The following GPR158 variants were observed in gnomAD, a reference collection of about 807,000 sequenced individuals.
GPR158 encodes G protein-coupled receptor 158, also known as metabotropic glycine receptor.
Under a neutral mutation model 78.2 loss-of-function variants are expected in GPR158, and 30 were observed. That is an observed-to-expected ratio of 0.38 (90% CI 0.29 to 0.52). The LOEUF is 0.52. Ranked by LOEUF, GPR158 falls within the 20% of genes least tolerant of loss-of-function variation. The pLI is 0.83. For synonymous variants in GPR158, 581 were observed against 591.1 expected, an observed-to-expected ratio of 0.98 and a Z score of 0.25; for missense variants, 1,463 against 1,523.5, an observed-to-expected ratio of 0.96 and a Z score of 0.66.
intron 2 of GPR158, among the ~76,000 whole-genome samples, chr10:25,229,742 G>A (rs1853423459): frequency 6.6e-6 from 1 of 152,196 alleles, no homozygotes; most frequent in African/African-American, 2.4e-5. Context: ...ACATGAGGAT[G>A]TATGGGGTAT....
intron 2 of GPR158, among the ~76,000 whole-genome samples, chr10:25,310,019 GT>G (rs1297542756): frequency 6.6e-6 from 1 of 152,108 alleles, no homozygotes; most frequent in Admixed American, 6.6e-5. Context: ...ATTGCCCTCT[GT>G]TTTATAGTTT....
intron 5 of GPR158, among the ~76,000 whole-genome samples, chr10:25,514,563 T>C (rs1418429734): frequency 6.6e-6 from 1 of 152,204 alleles, no homozygotes; most frequent in Admixed American, 6.5e-5. Context: ...CTCATGCTGT[T>C]TGTTGCCCGA....
chr10:25,314,165 A>G (rs1854810575), intron 2 of GPR158, among the ~76,000 whole-genome samples: 1 of 152,158 alleles, frequency 6.6e-6, no homozygotes, highest in African/African-American at 2.4e-5. Context: ...CAGTGGCACA[A>G]TCTCGGCTCA....
At chr10:25,186,468 A>G (rs547644405) in intron 1 of GPR158, among the ~76,000 whole-genome samples, 2 of 152,342 alleles carry the variant, frequency 1.3e-5, no homozygotes, top group East Asian at 3.9e-4. Flanking sequence ...AAATTGATAG[A>G]CCACTAGCAA....
chr10:25,516,598 G>A (rs1284342799), intron 5 of GPR158, among the ~76,000 whole-genome samples: 1 of 125,664 alleles, frequency 8.0e-6, no homozygotes, highest in Non-Finnish European at 1.6e-5. Context: ...TGGCTAGCCA[G>A]TTTTCCCAGC....
At chr10:25,178,599 A>C (rs1037461417) in intron 1 of GPR158, among the ~76,000 whole-genome samples, 3 of 152,212 alleles carry the variant, frequency 2.0e-5, no homozygotes, top group African/African-American at 7.2e-5. Flanking sequence ...TTATAGACAA[A>C]GATGGTATTC....
chr10:25,278,844 T>C (rs972347925), intron 2 of GPR158, among the ~76,000 whole-genome samples: 2 of 151,724 alleles, frequency 1.3e-5, no homozygotes, highest in African/African-American at 4.8e-5. Flanking sequence ...ATAAAAAGCT[T>C]AGGGCACTTA....
chr10:25,355,374 A>T (rs1259002060), intron 2 of GPR158, among the ~76,000 whole-genome samples: 1 of 152,102 alleles, frequency 6.6e-6, no homozygotes, highest in Non-Finnish European at 1.5e-5. Context: ...TTTGATTTTT[A>T]AAAATTATTT....
At chr10:25,420,872 G>A (rs1196299870) in intron 4 of GPR158, among the ~76,000 whole-genome samples, 1 of 152,064 alleles carries the variant, frequency 6.6e-6, no homozygotes, top group Non-Finnish European at 1.5e-5. Context: ...CTATATCTTT[G>A]TAGTAAATTT....
intron 4 of GPR158, among the ~76,000 whole-genome samples, chr10:25,425,078 T>G (rs190561961): frequency 9.9e-5 from 15 of 152,260 alleles, no homozygotes; most frequent in African/African-American, 3.4e-4. Flanking sequence ...GGTTTGTAGT[T>G]CTCCTTGAAG....
Position 25,354,775 on chromosome 10 carries a change from T to C in GPR158, c.1009-41136T>C, listed in dbSNP as rs1855525280. The stretch of plus-strand genomic sequence containing the variant: ...GGTGGTGAATTTTCTCAGCTTTTGT[T>C]TGTCTGGGAAAGACTTTATCTGAAG... On this transcript the variant is annotated intron_variant, in intron 2 of 10. Transcript: ENST00000376351. Among the ~76,000 whole-genome samples, 3 of 152,090 alleles carry C rather than the reference T, an allele frequency of 2.0e-5. No homozygotes were observed. The South Asian group carries it at 6.2e-4, about 31-fold the overall frequency.
chr10:25,490,029 T>C (rs1835784279), intron 5 of GPR158, among the ~76,000 whole-genome samples: 1 of 152,094 alleles, frequency 6.6e-6, no homozygotes, highest in African/African-American at 2.4e-5. Context: ...GCATATATAC[T>C]AGCTAAAATA....
rs573569974 is a variant in GPR158 at position 25,400,247 on chromosome 10, T to A, written c.1111+4234T>A. On this transcript the variant is annotated intron_variant, in intron 3 of 10. Transcript: ENST00000376351. ...AAACAGAAAGGATATAGAGCAAAGA[T>A]AAAATTTACTTAATTTATAATTGTA... Among the ~76,000 whole-genome samples, 157 of 152,264 alleles carry A rather than the reference T, an allele frequency of 1.0e-3. 3 individuals are homozygous for A. In the South Asian group the frequency reaches 0.032, roughly 31 times the overall value.
At chr10:25,546,779 G>A (rs1836667229) in intron 5 of GPR158, among the ~76,000 whole-genome samples, 1 of 152,166 alleles carries the variant, frequency 6.6e-6, no homozygotes, top group Non-Finnish European at 1.5e-5. Context: ...AAGCCACAGG[G>A]GAGGCATGTT....
intron 7 of GPR158, among the ~76,000 whole-genome samples, chr10:25,580,645 T>G (rs912573980): frequency 3.3e-5 from 5 of 152,222 alleles, no homozygotes; most frequent in African/African-American, 7.2e-5. Flanking sequence ...TTAGATTCAT[T>G]ACATACATTT....
rs575027359 is a variant in GPR158, at chr10:25,386,637, A to G, written c.1009-9274A>G. Among the ~76,000 whole-genome samples the G allele has an allele frequency of 1.1e-4, 16 of 152,218 alleles. No individual in the cohort carries two copies. In the East Asian group the frequency reaches 3.1e-3, roughly 29 times the overall value. On this transcript the variant is annotated intron_variant, in intron 2 of 10. Coordinates refer to ENST00000376351, the MANE Select transcript of GPR158 (RefSeq NM_020752.3). The stretch of plus-strand genomic sequence containing the variant: ...TTAACATTTCTTTCAGCAATATTTT[A>G]CAGTTTTCAGAGTATACTTCTTTCA...
intron 6 of GPR158, among the ~76,000 whole-genome samples, chr10:25,571,861 T>A (rs999618123): frequency 1.3e-5 from 2 of 152,186 alleles, no homozygotes; most frequent in African/African-American, 2.4e-5. Context: ...TTCCTATAGG[T>A]CATCCCAATT....
chr10:25,194,063 C>T (rs1047756483), intron 1 of GPR158, among the ~76,000 whole-genome samples: 1 of 152,188 alleles, frequency 6.6e-6, no homozygotes, highest in Non-Finnish European at 1.5e-5. Context: ...TCCTCACGAG[C>T]CCACCTGAGA....
At chr10:25,372,081 A>G (rs905242637) in intron 2 of GPR158, among the ~76,000 whole-genome samples, 5 of 102,794 alleles carry the variant, frequency 4.9e-5, no homozygotes, top group Non-Finnish European at 1.1e-4. Flanking sequence ...GAAGACATTT[A>G]TGCAGCCAAA....
Sources: gnomAD v4.1 joint callset for allele counts (sites outside exome capture counted in the v4.1 genomes callset) on GRCh38, gnomAD v4.1.1 for gene constraint, MANE v1.5 for transcripts, NCBI Gene and HGNC (gene_info 2026-07-23, HGNC 2026-07-21) for gene names.